SAMD4A: variants seen among roughly 807,000 people sequenced by gnomAD.
SAMD4A encodes sterile alpha motif domain containing 4A.
A neutral mutation model predicts 81.3 loss-of-function variants in SAMD4A; 33 were observed. The observed-to-expected ratio is 0.41, with a 90% CI of 0.31 to 0.54. The LOEUF (loss-of-function observed/expected upper bound fraction) is 0.54, where lower values mean the gene tolerates loss of function less well. Among genes scored for constraint, SAMD4A ranks in the 20% least tolerant of loss-of-function variants. The pLI, the probability that SAMD4A is intolerant of heterozygous loss-of-function variation, is 0.37. For synonymous variants in SAMD4A, 389 were observed against 382.1 expected, an observed-to-expected ratio of 1.02 and a Z score of -0.21; for missense variants, 854 against 951.1, an observed-to-expected ratio of 0.90 and a Z score of 1.34.
Position 54,583,088 on chromosome 14 carries a change from C to T in SAMD4A, c.196+14976C>T, listed in dbSNP as rs376891671. Among the ~76,000 whole-genome samples, 19 of 152,158 alleles carry T rather than the reference C, an allele frequency of 1.2e-4. No individual in the cohort carries two copies. The East Asian group carries it at 2.7e-3, about 22-fold the overall frequency. On this transcript the variant is annotated intron_variant, in intron 2 of 12. Transcript: ENST00000554335. ...CCTCCCGAGTAGCTGGGGCTACAGG[C>T]GTGTGCTACCATGCCTGGCTAATTT...
At chr14:54,665,444 C>G (rs970147824) in intron 2 of SAMD4A, among the ~76,000 whole-genome samples, 1 of 152,182 alleles carries the variant, frequency 6.6e-6, no homozygotes, top group Non-Finnish European at 1.5e-5. Flanking sequence ...TATTCTAGAG[C>G]ATAAACTAGA....
At chr14:54,646,754 G>T (rs2035295942) in intron 2 of SAMD4A, among the ~76,000 whole-genome samples, 1 of 152,234 alleles carries the variant, frequency 6.6e-6, no homozygotes, top group Non-Finnish European at 1.5e-5. Flanking sequence ...ATGCCTACAT[G>T]TGCTTTGAAT....
chr14:54,784,599 A>G lies in SAMD4A; in HGVS notation c.2107A>G (p.Met703Val). ...CAGGCTGGAGTCGTTGTGCCTCAGT[A>G]TGACCGAACACGCCCTGGGAGGTGA... is the stretch of plus-strand genomic sequence containing the variant. ...NNRLESLCLS[M>V]TEHALGDGVD... is the part of the protein sequence containing the mutation. Residue 703 changes from methionine (M) to valine (V), a missense_variant, in exon 12 of 13, where the codon ATG (methionine) becomes GTG (valine). Around this residue, in one of 3 missense-constraint regions of SAMD4A, gnomAD observed 428 missense variants for 471.2 expected, o/e 0.91. Coordinates refer to ENST00000554335, the MANE Select transcript of SAMD4A (RefSeq NM_015589.6). The G allele has an allele frequency of 2.5e-6, 4 of 1,614,128 alleles. No homozygotes were observed. Among genetic ancestry groups the G allele is most frequent in the Non-Finnish European group, 3.4e-6 (4 of 1,179,988 alleles).
intron 2 of SAMD4A, among the ~76,000 whole-genome samples, chr14:54,618,719 G>A (rs2034547766): frequency 6.6e-6 from 1 of 152,172 alleles, no homozygotes; most frequent in Non-Finnish European, 1.5e-5. Context: ...CTTCTTGCTT[G>A]TTCTCAGAGA....
chr14:54,780,643 AAGAACCCAGC>A, intron 11 of SAMD4A, among the ~76,000 whole-genome samples: 1 of 152,214 alleles, frequency 6.6e-6, no homozygotes, highest in Non-Finnish European at 1.5e-5. Flanking sequence ...TGTCATAGCC[AAGAACCCAGC>A]TGGGCCCACA....
At chr14:54,705,626 T>A (rs1358371887) in intron 3 of SAMD4A, among the ~76,000 whole-genome samples, 1 of 152,220 alleles carries the variant, frequency 6.6e-6, no homozygotes, top group Non-Finnish European at 1.5e-5. Context: ...ACTGCTATTT[T>A]ATTGCTCAGT....
intron 4 of SAMD4A, among the ~76,000 whole-genome samples, chr14:54,748,507 C>G (rs2038020805): frequency 6.6e-6 from 1 of 152,134 alleles, no homozygotes; most frequent in African/African-American, 2.4e-5. Context: ...GCCCAGAAAA[C>G]TCCCCATCTA....
chr14:54,751,638 A>G, intron 6 of SAMD4A, 101 bp downstream of exon 6: 1 of 781,010 alleles, frequency 1.3e-6, no homozygotes, highest in Non-Finnish European at 2.2e-6. Flanking sequence ...TCTAGAGCGT[A>G]CCATGTGGTT....
At chr14:54,573,441 T>G (rs1350855612) in intron 2 of SAMD4A, among the ~76,000 whole-genome samples, 1 of 152,156 alleles carries the variant, frequency 6.6e-6, no homozygotes, top group East Asian at 1.9e-4. Flanking sequence ...GAAGTCTAAT[T>G]CTAGAGAGAA....
chr14:54,757,619 A>C (rs553956582), intron 6 of SAMD4A, among the ~76,000 whole-genome samples: 1 of 152,320 alleles, frequency 6.6e-6, no homozygotes, highest in East Asian at 1.9e-4. Context: ...GAGTGTCCCA[A>C]GCATGCATTT....
At chr14:54,700,674 G>T (rs1362733406) in intron 2 of SAMD4A, among the ~76,000 whole-genome samples, 1 of 152,196 alleles carries the variant, frequency 6.6e-6, no homozygotes, top group African/African-American at 2.4e-5. Context: ...TGTCAGGAAT[G>T]ACTTCCCTGA....
chr14:54,725,607 A>G (rs1386835254), intron 3 of SAMD4A, among the ~76,000 whole-genome samples: 1 of 152,242 alleles, frequency 6.6e-6, no homozygotes, highest in Non-Finnish European at 1.5e-5. Flanking sequence ...ATTAGCTAGT[A>G]CTTTTGAGAT....
chr14:54,604,134 T>G (rs1468754591), intron 2 of SAMD4A, among the ~76,000 whole-genome samples: 1 of 152,178 alleles, frequency 6.6e-6, no homozygotes, highest in African/African-American at 2.4e-5. Context: ...CATTATTTTA[T>G]TGTATCCTTA....
intron 3 of SAMD4A, among the ~76,000 whole-genome samples, chr14:54,723,068 A>G (rs1260653243): frequency 1.3e-5 from 2 of 150,402 alleles, no homozygotes; most frequent in African/African-American, 4.9e-5. Flanking sequence ...CTTTTCGTTC[A>G]GAGAGACATT....
At chr14:54,767,050 G>C (rs1194911382) in intron 8 of SAMD4A, among the ~76,000 whole-genome samples, 1 of 152,180 alleles carries the variant, frequency 6.6e-6, no homozygotes, top group African/African-American at 2.4e-5. Flanking sequence ...TGAGGTGTCT[G>C]CTTGCTAAGT....
At chr14:54,758,568 G>T (rs771078288) in intron 6 of SAMD4A, among the ~76,000 whole-genome samples, 1 of 152,198 alleles carries the variant, frequency 6.6e-6, no homozygotes, top group Non-Finnish European at 1.5e-5. Flanking sequence ...GGTGGCTCAC[G>T]CCTGTAATCC....
chr14:54,607,517 A>T (rs1385617693), intron 2 of SAMD4A, among the ~76,000 whole-genome samples: 1 of 148,758 alleles, frequency 6.7e-6, no homozygotes, highest in Non-Finnish European at 1.5e-5. Context: ...GTGCAGTGGC[A>T]CGATCTCTGC....
intron 2 of SAMD4A, among the ~76,000 whole-genome samples, chr14:54,673,761 G>A (rs1315617949): frequency 6.6e-6 from 1 of 152,216 alleles, no homozygotes; most frequent in East Asian, 1.9e-4. Context: ...AGAAGAGAGA[G>A]CCTAGCACTT....
In SAMD4A at chr14:54,764,577, T is replaced by G. The variant is rs1477194273; in HGVS notation, c.1596+37T>G. 5 of 1,371,210 alleles carry G rather than the reference T, an allele frequency of 3.6e-6. No individual in the cohort carries two copies. The South Asian group carries it at 6.2e-5, about 17-fold the overall frequency. 84.9% of individuals were successfully genotyped at this position (1,371,210 alleles called of 1,614,324 possible). On this transcript the variant is annotated intron_variant, in intron 8 of 12. Coordinates refer to ENST00000554335, the MANE Select transcript of SAMD4A (RefSeq NM_015589.6). The stretch of plus-strand genomic sequence containing the variant: ...CAGGTTTTACAAAACCATTTTTTTT[T>G]TATTGCTTAGAAATGGTTCTCAGAG...
Sources: allele counts gnomAD v4.1 joint callset (sites outside exome capture counted in the v4.1 genomes callset), GRCh38; gene constraint gnomAD v4.1.1; regional missense constraint gnomAD v4.1.1; transcripts MANE v1.5; gene names NCBI Gene and HGNC (gene_info 2026-07-23, HGNC 2026-07-21).